Variants in ECE1 observed in about 807,000 individuals in gnomAD.
ECE1 encodes endothelin-converting enzyme 1.
ECE1 carries 35 observed loss-of-function variants against 98.6 expected under a neutral mutation model. That is an observed-to-expected ratio of 0.35 (90% confidence interval 0.27 to 0.47). ECE1 has a LOEUF of 0.47. Among genes scored for constraint, ECE1 ranks in the 20% least tolerant of loss-of-function variants. The pLI is 1.00. For missense variants in ECE1, 814 were observed against 1,025.3 expected, an observed-to-expected ratio of 0.79 and a Z score of 2.81; for synonymous variants, 394 against 407.1, an observed-to-expected ratio of 0.97 and a Z score of 0.39.
At chr1:21,293,174 G>A (rs756924938), upstream of ECE1, 1 of 152,134 alleles carries the variant, frequency 6.6e-6, no homozygotes. Context: ...CTTTTACAGA[G>A]AATGAAACTG....
At position 21,244,984 on chromosome 1, in the gene ECE1, C is replaced by T; in HGVS notation, c.1278+5G>A. On this transcript the variant is annotated splice_donor_5th_base_variant and intron_variant, in intron 10 of 18. Coordinates refer to ENST00000374893, the MANE Select transcript of ECE1 (RefSeq NM_001397.3). ...ATATTCAGGCATACGCAGTAGCAGGCTCACCTTCTTGGTCCCGTACATGAC... is the reference window on the plus strand; with the variant it reads ...ATATTCAGGCATACGCAGTAGCAGGTTCACCTTCTTGGTCCCGTACATGAC... 6.2e-7 allele frequency: 1 copy of T among 1,613,556 alleles called. No homozygotes were observed. The highest frequency in any genetic ancestry group is 1.3e-5 in the African/African-American group (1 of 75,034).
intron 1 of ECE1, among the ~76,000 whole-genome samples, chr1:21,306,397 C>T (rs1638599381): frequency 6.6e-6 from 1 of 150,730 alleles, no homozygotes; most frequent in Non-Finnish European, 1.5e-5. Flanking sequence ...AGTGCAATGG[C>T]GTGATCTCAG....
intron 4 of ECE1, among the ~76,000 whole-genome samples, chr1:21,265,486 A>C (rs212538): frequency 0.53 from 81,184 of 152,086 alleles, 22,121 homozygotes; most frequent in East Asian, 0.9. Context: ...GAGCCGAGAT[A>C]GCGCCACTGT....
intron 12 of ECE1, 28 bp downstream of exon 12, chr1:21,236,718 C>G: frequency 6.2e-7 from 1 of 1,606,704 alleles, no homozygotes; most frequent in Non-Finnish European, 8.5e-7. Flanking sequence ...CGCCGCAGCA[C>G]CCCCTCCAAG....
chr1:21,304,979 C>T (rs2051031), intron 1 of ECE1, among the ~76,000 whole-genome samples: 21,192 of 152,144 alleles, frequency 0.14, 1,882 homozygotes, highest in Non-Finnish European at 0.2. Context: ...TCCCTGCTTA[C>T]GTTTGAGTTT....
intron 2 of ECE1, among the ~76,000 whole-genome samples, chr1:21,280,887 G>C (rs1320503452): frequency 8.5e-5 from 13 of 152,178 alleles, no homozygotes; most frequent in African/African-American, 2.7e-4. Flanking sequence ...AAAAAACTGG[G>C]TTCCAAAACT....
chr1:21,232,879 T>C (rs748244568), intron 14 of ECE1, among the ~76,000 whole-genome samples: 2 of 152,092 alleles, frequency 1.3e-5, no homozygotes, highest in African/African-American at 2.4e-5. Flanking sequence ...GGTTTTGCCA[T>C]GTTGACCATG....
chr1:21,247,056 G>A (rs2098204646), intron 9 of ECE1, among the ~76,000 whole-genome samples, 165 bp downstream of exon 9: 2 of 152,232 alleles, frequency 1.3e-5, no homozygotes, highest in Non-Finnish European at 2.9e-5. Flanking sequence ...GAAAGAGGCT[G>A]GGATTTAAAC....
At position 21,306,825 on chromosome 1, in the gene ECE1, C is replaced by CA. The variant is rs1214397481; in HGVS notation, c.4-16670dup. ...AGACAGGGCAGCAGCGAGGTGTGCT[C>CA]AAGCCTCTGGGGAGGAGTCGAGGAA... On this transcript the variant is annotated intron_variant, in intron 1 of 18. Transcript: ENST00000415912. 4.6e-5 allele frequency among the ~76,000 whole-genome samples: 7 copies of CA among 152,278 alleles called. No individual in the cohort carries two copies. In the East Asian group the frequency reaches 1.4e-3, roughly 29 times the overall value.
intron 2 of ECE1, among the ~76,000 whole-genome samples, chr1:21,285,103 T>C (rs1187273774): frequency 2.0e-5 from 3 of 152,220 alleles, no homozygotes; most frequent in Admixed American, 6.5e-5. Context: ...CCTTGTGTCC[T>C]CTTGTCTCTG....
Position 21,232,266 on chromosome 1 carries a change from A to C in ECE1, c.1670+1292T>G, listed in dbSNP as rs548498908. The stretch of plus-strand genomic sequence containing the variant: ...TGAAGACTGGAACTGGGCTGACTAC[A>C]TCTAATTTTTTTGAGGAGACAGTTT... On this transcript the variant is annotated intron_variant, in intron 14 of 18. Coordinates refer to ENST00000374893, the MANE Select transcript of ECE1 (RefSeq NM_001397.3). Among the ~76,000 whole-genome samples, 155 of 151,858 alleles carry C rather than the reference A, an allele frequency of 1.0e-3. 1 individual carries two copies. Among genetic ancestry groups the C allele is most frequent in the Non-Finnish European group, 1.7e-3 (118 of 67,924 alleles).
chr1:21,245,319 T>A (rs547380996), intron 9 of ECE1, among the ~76,000 whole-genome samples: 1 of 152,320 alleles, frequency 6.6e-6, no homozygotes, highest in South Asian at 2.1e-4. Context: ...AACGCTTCAG[T>A]GTTGAGTGCA....
intron 3 of ECE1, among the ~76,000 whole-genome samples, chr1:21,274,480 G>A (rs947733989): frequency 2.0e-5 from 3 of 152,202 alleles, no homozygotes; most frequent in African/African-American, 7.2e-5. Context: ...TAAAAGTTAG[G>A]AAGAAAGGTA....
At chr1:21,316,058 G>A (rs1429869792) in intron 1 of ECE1, among the ~76,000 whole-genome samples, 1 of 152,192 alleles carries the variant, frequency 6.6e-6, no homozygotes, top group African/African-American at 2.4e-5. Flanking sequence ...CACAGTAGCT[G>A]GCACATGTCC....
At position 21,277,966 on chromosome 1, in the gene ECE1, C is replaced by A. The variant is rs373339947; in HGVS notation, c.280+1225G>T. ...CCTGCTCTTTTCTAGGCCCCTGAGT[C>A]CCCTCCCCACCCCAGCGCAGCGTGG... On this transcript the variant is annotated intron_variant, in intron 3 of 18. Coordinates refer to ENST00000374893, the MANE Select transcript of ECE1 (RefSeq NM_001397.3). Among the ~76,000 whole-genome samples, 3 of 152,258 alleles carry A rather than the reference C, an allele frequency of 2.0e-5. No homozygotes were observed. In the East Asian group the frequency reaches 5.8e-4, roughly 29 times the overall value.
chr1:21,253,534 G>A (rs212520), intron 8 of ECE1, among the ~76,000 whole-genome samples: 30,751 of 150,698 alleles, frequency 0.2, 4,168 homozygotes, highest in African/African-American at 0.39. Context: ...AGGCCGAGGC[G>A]GGCAACTCAC....
intron 1 of ECE1, among the ~76,000 whole-genome samples, chr1:21,336,251 T>C (rs2103417315): frequency 6.6e-6 from 1 of 152,224 alleles, no homozygotes; most frequent in Admixed American, 6.5e-5. Context: ...GGTGTAGTGG[T>C]GCACCTGTGG....
At chr1:21,315,284 C>T (rs1235595044) in intron 1 of ECE1, among the ~76,000 whole-genome samples, 3 of 152,188 alleles carry the variant, frequency 2.0e-5, no homozygotes, top group Admixed American at 1.3e-4. Flanking sequence ...TTCAGGCTGC[C>T]ACCTCCATCC....
chr1:21,259,270 T>G (rs212529), intron 5 of ECE1, among the ~76,000 whole-genome samples: 1 of 151,954 alleles, frequency 6.6e-6, no homozygotes, highest in Non-Finnish European at 1.5e-5. Context: ...GTTGGGATTT[T>G]AAAAAAATTT....
Sources: gnomAD v4.1 joint callset for allele counts (sites outside exome capture counted in the v4.1 genomes callset) on GRCh38, gnomAD v4.1.1 for gene constraint, MANE v1.5 for transcripts, NCBI Gene and HGNC (gene_info 2026-07-23, HGNC 2026-07-21) for gene names.